Variants in PCCA observed in about 807,000 individuals in gnomAD.
PCCA encodes the protein propionyl-CoA carboxylase alpha chain, mitochondrial.
Under a neutral mutation model 101.3 loss-of-function variants are expected in PCCA, and 74 were observed. That is an observed-to-expected ratio of 0.73 (90% CI 0.61 to 0.89). The LOEUF is 0.89. Among genes scored for constraint, PCCA ranks in the 40% least tolerant of loss-of-function variants. The pLI, the probability that PCCA is intolerant of heterozygous loss-of-function variation, is 0.00. For synonymous variants in PCCA, 294 were observed against 313.6 expected (o/e 0.94, Z 0.66); for missense variants, 891 against 907.0 (o/e 0.98, Z 0.23).
chr13:100,277,690 A>G (rs963601422), intron 12 of PCCA, among the ~76,000 whole-genome samples: 17 of 152,144 alleles, frequency 1.1e-4, no homozygotes, highest in African/African-American at 3.6e-4. Flanking sequence ...CCAGAACCTC[A>G]TGCAGTCACA....
At chr13:100,189,013 T>G (rs1377748221) in intron 6 of PCCA, among the ~76,000 whole-genome samples, 1 of 152,116 alleles carries the variant, frequency 6.6e-6, no homozygotes, top group African/African-American at 2.4e-5. Flanking sequence ...CATTAGGTAT[T>G]TCTCGTAATC....
At chr13:100,232,365 T>C (rs1011355178) in intron 7 of PCCA, among the ~76,000 whole-genome samples, 21 of 149,936 alleles carry the variant, frequency 1.4e-4, no homozygotes, top group African/African-American at 4.4e-4. Context: ...TGTGTGTGTG[T>C]GTGTGTGTGT....
chr13:100,231,222 T>G (rs545617851), intron 7 of PCCA, among the ~76,000 whole-genome samples: 1 of 152,358 alleles, frequency 6.6e-6, no homozygotes, highest in Non-Finnish European at 1.5e-5. Context: ...AATTACCTGT[T>G]GGCCAAGATG....
intron 8 of PCCA, among the ~76,000 whole-genome samples, chr13:100,252,344 C>A (rs1228624882): frequency 6.6e-6 from 1 of 152,202 alleles, no homozygotes; most frequent in East Asian, 1.9e-4. Flanking sequence ...CCCATCACAT[C>A]TCCTTGATTC....
intron 20 of PCCA, among the ~76,000 whole-genome samples, chr13:100,435,367 C>T (rs887268112): frequency 3.9e-5 from 6 of 152,176 alleles, no homozygotes; most frequent in Non-Finnish European, 8.8e-5. Flanking sequence ...CCCCACCTGC[C>T]ATGTCGAGAA....
chr13:100,145,565 G>T (rs2052430156), intron 4 of PCCA, among the ~76,000 whole-genome samples: 1 of 152,118 alleles, frequency 6.6e-6, no homozygotes. Flanking sequence ...TTTTGAATAA[G>T]AATGTTTAGG....
intron 21 of PCCA, among the ~76,000 whole-genome samples, chr13:100,466,941 A>C (rs139542523): frequency 6.6e-6 from 1 of 152,302 alleles, no homozygotes. Context: ...TTCCTGTCTC[A>C]GCCACTTTTT....
chr13:100,335,597 C>CGACT (rs2070323582), intron 17 of PCCA, among the ~76,000 whole-genome samples: 2 of 152,148 alleles, frequency 1.3e-5, no homozygotes, highest in South Asian at 4.1e-4. Context: ...CAGAGTAAGG[C>CGACT]GACTCTCTTT....
chr13:100,209,229 TA>T, intron 6 of PCCA, 102 bp from the exon 7 acceptor site: 2 of 974,546 alleles, frequency 2.1e-6, no homozygotes, highest in Admixed American at 2.0e-5. Flanking sequence ...GCAATAAAAA[TA>T]ATTAGAAAAT....
chr13:100,466,859 A>G (rs1566384399), intron 21 of PCCA, among the ~76,000 whole-genome samples: 1 of 151,782 alleles, frequency 6.6e-6, no homozygotes, highest in African/African-American at 2.4e-5. Context: ...GTCCGTCTCA[A>G]AAAACAAAAC....
intron 23 of PCCA, among the ~76,000 whole-genome samples, chr13:100,529,033 C>T (rs141180783): frequency 3.3e-5 from 5 of 152,268 alleles, no homozygotes; most frequent in African/African-American, 7.2e-5. Context: ...TTCCTGTCCT[C>T]GTGGCCTGGG....
intron 4 of PCCA, among the ~76,000 whole-genome samples, chr13:100,143,003 A>T (rs529634684): frequency 9.2e-5 from 14 of 152,208 alleles, no homozygotes; most frequent in African/African-American, 3.4e-4. Flanking sequence ...TTGGGCTCTG[A>T]TTCTCCCCCT....
At chr13:100,500,273 C>T (rs1020484578) in intron 21 of PCCA, among the ~76,000 whole-genome samples, 1 of 151,998 alleles carries the variant, frequency 6.6e-6, no homozygotes, top group African/African-American at 2.4e-5. Flanking sequence ...TTGCAGACAC[C>T]AGACCAAGGG....
chr13:100,291,297 C>T (rs2065100484), intron 12 of PCCA, among the ~76,000 whole-genome samples: 1 of 152,028 alleles, frequency 6.6e-6, no homozygotes, highest in African/African-American at 2.4e-5. Context: ...GAAAAGTGTA[C>T]GGGATGATAT....
At chr13:100,175,286 C>T (rs1224217689) in intron 6 of PCCA, among the ~76,000 whole-genome samples, 2 of 152,028 alleles carry the variant, frequency 1.3e-5, no homozygotes, top group East Asian at 1.9e-4. Flanking sequence ...TCCCCCAAAC[C>T]TTAGATCCTA....
rs186540106 is a variant in PCCA, at chr13:100,119,182, C to G, written c.300+7121C>G. On this transcript the variant is annotated intron_variant, in intron 4 of 23. Transcript: ENST00000376285. ...GAATCTGCCTGTTTTTATGTATTAT[C>G]TTTTTTCTTATGTATTTGAGGCCTT... 2.0e-5 allele frequency among the ~76,000 whole-genome samples: 3 copies of G among 152,088 alleles called. No homozygotes were observed. In the East Asian group the frequency reaches 5.8e-4, roughly 29 times the overall value.
intron 10 of PCCA, among the ~76,000 whole-genome samples, chr13:100,266,922 C>T (rs1321004840): frequency 6.6e-6 from 1 of 152,138 alleles, no homozygotes; most frequent in African/African-American, 2.4e-5. Flanking sequence ...TTAAAAAACT[C>T]ATGATGCATT....
Position 100,116,766 on chromosome 13 carries a change from G to A in PCCA, c.300+4705G>A, listed in dbSNP as rs544611771. Reference sequence around the variant, plus strand: ...GATAAGGAGTTGGCAACCTTTTTTTGTTTGAAAGTAAATACATTTTTGTCT... The same window carrying A: ...GATAAGGAGTTGGCAACCTTTTTTTATTTGAAAGTAAATACATTTTTGTCT... On this transcript the variant is annotated intron_variant, in intron 4 of 23. Coordinates refer to ENST00000376285, the MANE Select transcript of PCCA (RefSeq NM_000282.4). Among the ~76,000 whole-genome samples, 22 of 152,130 alleles carry A rather than the reference G, an allele frequency of 1.4e-4. No individual in the cohort carries two copies. In the South Asian group the frequency reaches 4.4e-3, roughly 30 times the overall value.
chr13:100,206,795 C>G (rs2058882468), intron 6 of PCCA, among the ~76,000 whole-genome samples: 1 of 152,196 alleles, frequency 6.6e-6, no homozygotes, highest in Non-Finnish European at 1.5e-5. Context: ...GAGGGACTTT[C>G]TGACCTTCTC....
Sources: allele counts gnomAD v4.1 joint callset (sites outside exome capture counted in the v4.1 genomes callset), GRCh38; gene constraint gnomAD v4.1.1; transcripts MANE v1.5; gene names NCBI Gene and HGNC (gene_info 2026-07-23, HGNC 2026-07-21).